TENM3: variants seen among roughly 807,000 people sequenced by gnomAD.
TENM3 encodes the protein teneurin-3.
Under a neutral mutation model 255.1 loss-of-function variants are expected in TENM3, and 63 were observed. The ratio of observed to expected loss-of-function variants is 0.25; its 90% CI spans 0.20 to 0.30. The LOEUF (loss-of-function observed/expected upper bound fraction) is 0.30. TENM3 is among the 10% of genes least tolerant of loss of function. TENM3 has a pLI of 1.00. For missense variants in TENM3, 2,929 were observed against 3,461.1 expected (o/e 0.85, Z 3.86); for synonymous variants, 1,306 against 1,322.3 (o/e 0.99, Z 0.27).
Position 182,344,806 on chromosome 4 carries a change from A to T in TENM3, c.233-1845A>T, listed in dbSNP as rs986337521. ...ACGTTTTAGAGTCCTCCCGTATGTT[A>T]CAAGTGACATATAAATAGCAGTGGG... On this transcript the variant is annotated intron_variant, in intron 2 of 27. Transcript: ENST00000511685. Among the ~76,000 whole-genome samples the T allele has an allele frequency of 8.5e-5, 13 of 152,292 alleles. No homozygotes were observed. In the East Asian group the frequency reaches 2.5e-3, roughly 29 times the overall value.
At chr4:182,547,909 T>C (rs1741607268) in intron 3 of TENM3, among the ~76,000 whole-genome samples, 1 of 152,034 alleles carries the variant, frequency 6.6e-6, no homozygotes, top group South Asian at 2.1e-4. Context: ...CCCAATCATT[T>C]GCCATCTCTC....
chr4:182,552,258 G>T (rs2151938474), intron 3 of TENM3, among the ~76,000 whole-genome samples: 1 of 152,204 alleles, frequency 6.6e-6, no homozygotes, highest in African/African-American at 2.4e-5. Context: ...CAACGTAGTA[G>T]ATGCCCTCCC....
the TENM3 span, among the ~76,000 whole-genome samples, chr4:181,569,664 A>G: frequency 6.6e-6 from 1 of 152,008 alleles, no homozygotes; most frequent in Non-Finnish European, 1.5e-5. Context: ...GCCTTTTGAC[A>G]TTTTCTGTGG....
chr4:182,612,798 T>C (rs992694640), intron 4 of TENM3, among the ~76,000 whole-genome samples: 3 of 152,138 alleles, frequency 2.0e-5, no homozygotes, highest in Non-Finnish European at 2.9e-5. Context: ...TAAAGTTTGA[T>C]AATATTTTCT....
chr4:182,598,620 G>A (rs1459355867), intron 3 of TENM3, among the ~76,000 whole-genome samples: 1 of 152,124 alleles, frequency 6.6e-6, no homozygotes, highest in Non-Finnish European at 1.5e-5. Flanking sequence ...CAGTGTTCTT[G>A]TCCATAATGC....
chr4:182,357,177 T>TA (rs1262538848), intron 3 of TENM3, among the ~76,000 whole-genome samples: 1 of 152,094 alleles, frequency 6.6e-6, no homozygotes, highest in African/African-American at 2.4e-5. Context: ...TCAATAAACA[T>TA]ACGTGTGCAT....
the TENM3 span, among the ~76,000 whole-genome samples, chr4:181,495,902 T>TAAAAAAAAAAAAAA: frequency 8.6e-6 from 1 of 116,880 alleles, no homozygotes; most frequent in African/African-American, 3.2e-5. Context: ...AGAGACAAAT[T>TAAAAAAAAAAAAAA]AAAAAAAAAA....
chr4:182,248,506 A>G (rs1045079680), intron 1 of TENM3, among the ~76,000 whole-genome samples: 12 of 152,204 alleles, frequency 7.9e-5, no homozygotes, highest in Non-Finnish European at 1.3e-4. Context: ...GACATGTGGT[A>G]TTTTTGTTTA....
At chr4:181,595,643 T>TA in the TENM3 span, among the ~76,000 whole-genome samples, 1 of 152,054 alleles carries the variant, frequency 6.6e-6, no homozygotes, top group African/African-American at 2.4e-5. Context: ...CATTATAGTC[T>TA]AAAAAACGCT....
At chr4:182,115,914 A>T in the TENM3 span, among the ~76,000 whole-genome samples, 1 of 144,978 alleles carries the variant, frequency 6.9e-6, no homozygotes, top group Admixed American at 7.0e-5. Flanking sequence ...TTTTTTAGAG[A>T]TGTTTTAGGT....
chr4:182,666,662 C>T (rs991561239), intron 6 of TENM3, among the ~76,000 whole-genome samples: 3 of 152,044 alleles, frequency 2.0e-5, no homozygotes, highest in South Asian at 2.1e-4. Context: ...TTTGGGTGGC[C>T]GAGGCTGGTG....
the TENM3 span, among the ~76,000 whole-genome samples, chr4:181,526,301 G>C: frequency 6.6e-6 from 1 of 151,436 alleles, no homozygotes; most frequent in Non-Finnish European, 1.5e-5. Context: ...AGCGAGTGAG[G>C]AATGAAGACC....
chr4:182,517,484 C>A (rs937011967), intron 3 of TENM3, among the ~76,000 whole-genome samples: 1 of 145,426 alleles, frequency 6.9e-6, no homozygotes. Context: ...CCCGGGTTCA[C>A]GCCATTCTCC....
At chr4:181,740,756 A>G in the TENM3 span, among the ~76,000 whole-genome samples, 113 of 152,016 alleles carry the variant, frequency 7.4e-4, 1 homozygote, top group African/African-American at 2.6e-3. Context: ...TCTAGGGGGG[A>G]CCACCATGAA....
At chr4:182,256,144 G>A (rs771412798) in intron 1 of TENM3, among the ~76,000 whole-genome samples, 13 of 152,266 alleles carry the variant, frequency 8.5e-5, no homozygotes, top group Non-Finnish European at 1.8e-4. Context: ...AGGCTTTCTC[G>A]AGGTTATTCT....
the TENM3 span, among the ~76,000 whole-genome samples, chr4:181,998,931 C>T: frequency 9.9e-5 from 15 of 152,082 alleles, no homozygotes; most frequent in Non-Finnish European, 2.2e-4. Context: ...CTCTGAACTC[C>T]GGTTTTTTCA....
At chr4:182,640,061 G>T (rs1053967874) in intron 5 of TENM3, among the ~76,000 whole-genome samples, 2 of 152,172 alleles carry the variant, frequency 1.3e-5, no homozygotes, top group Non-Finnish European at 2.9e-5. Flanking sequence ...CTGCACTCTA[G>T]CCTGGCAATA....
the TENM3 span, among the ~76,000 whole-genome samples, chr4:181,511,645 T>A: frequency 1.3e-5 from 2 of 152,170 alleles, no homozygotes; most frequent in Non-Finnish European, 2.9e-5. Flanking sequence ...TTCATTTATT[T>A]ATTTACATGC....
At chr4:182,742,931 C>T (rs1415390097) in intron 18 of TENM3, among the ~76,000 whole-genome samples, 1 of 152,140 alleles carries the variant, frequency 6.6e-6, no homozygotes, top group African/African-American at 2.4e-5. Flanking sequence ...GTTCCTTTCA[C>T]CAGACATGAT....
Sources: gnomAD v4.1 joint callset for allele counts (sites outside exome capture counted in the v4.1 genomes callset) on GRCh38, gnomAD v4.1.1 for gene constraint, MANE v1.5 for transcripts, NCBI Gene and HGNC (gene_info 2026-07-23, HGNC 2026-07-21) for gene names.